Variants in RPTOR observed in about 807,000 individuals in gnomAD.
RPTOR encodes the protein regulatory associated protein of MTOR complex 1, also known as regulatory-associated protein of mTOR.
A neutral mutation model predicts 169.9 loss-of-function variants in RPTOR; 21 were observed. The observed-to-expected ratio is 0.12, with a 90% confidence interval of 0.09 to 0.18. RPTOR has a LOEUF of 0.18. RPTOR is among the 10% of genes least tolerant of loss of function. RPTOR has a pLI of 1.00. For synonymous variants in RPTOR, 732 were observed against 753.2 expected, an observed-to-expected ratio of 0.97 and a Z score of 0.46; for missense variants, 1,133 against 1,855.9, an observed-to-expected ratio of 0.61 and a Z score of 7.16.
At chr17:80,841,926 ACAC>A in intron 10 of RPTOR, among the ~76,000 whole-genome samples, 1 of 131,384 alleles carries the variant, frequency 7.6e-6, no homozygotes, top group Non-Finnish European at 1.6e-5. Context: ...ACGGCAGCTC[ACAC>A]TCACCGCACG....
intron 7 of RPTOR, 30 bp downstream of exon 7, chr17:80,791,539 C>T (rs368035674): frequency 1.1e-4 from 183 of 1,596,272 alleles, no homozygotes; most frequent in Non-Finnish European, 1.5e-4. Flanking sequence ...TCTTGTGGCT[C>T]TCTGGATCTG....
chr17:80,634,606 TGTGTGTACTGTGTGC>T, intron 2 of RPTOR, among the ~76,000 whole-genome samples: 1 of 34,388 alleles, frequency 2.9e-5, no homozygotes, highest in African/African-American at 2.0e-4. Context: ...GTGCGTACTG[TGTGTGTACTGTGTGC>T]GTGTGCGTAC....
chr17:80,863,986 T>A (rs184919147), intron 13 of RPTOR, among the ~76,000 whole-genome samples: 13 of 151,236 alleles, frequency 8.6e-5, no homozygotes, highest in Non-Finnish European at 1.9e-4. Context: ...GAAAAAAAAA[T>A]TTAATTAAAA....
chr17:80,943,345 C>T (rs1046390938), intron 25 of RPTOR, among the ~76,000 whole-genome samples: 7 of 151,958 alleles, frequency 4.6e-5, no homozygotes, highest in Non-Finnish European at 8.8e-5. Flanking sequence ...CAGCTAAAAA[C>T]AGGGTCTTTG....
At chr17:80,821,615 C>T (rs981504924) in intron 7 of RPTOR, among the ~76,000 whole-genome samples, 2 of 152,176 alleles carry the variant, frequency 1.3e-5, no homozygotes, top group Admixed American at 6.5e-5. Context: ...GCGTCATCTG[C>T]CGTCACTTGC....
At chr17:80,608,922 T>G (rs1368896412) in intron 1 of RPTOR, among the ~76,000 whole-genome samples, 3 of 152,198 alleles carry the variant, frequency 2.0e-5, no homozygotes, top group African/African-American at 7.2e-5. Flanking sequence ...CGCCTATTAG[T>G]CGCAAAATTT....
At position 80,609,473 on chromosome 17, in the gene RPTOR, G is replaced by A. The variant is rs893227818; in HGVS notation, c.163-16218G>A. 2.0e-5 allele frequency among the ~76,000 whole-genome samples: 3 copies of A among 152,142 alleles called. No homozygotes were observed. The highest frequency in any genetic ancestry group is 4.4e-5 in the Non-Finnish European group (3 of 68,020). On this transcript the variant is annotated intron_variant, in intron 1 of 33. Transcript: ENST00000306801. This position sits in a 1 kb window ranked among gnomAD's most constrained non-coding sequence, Gnocchi z 4.8. ...ATAAATCATTTGATTTGGCTGGGCA[G>A]GGTGGCTCACACCTGTAATCCCAGC...
chr17:80,757,665 C>T (rs2143352105), intron 6 of RPTOR, among the ~76,000 whole-genome samples: 1 of 152,250 alleles, frequency 6.6e-6, no homozygotes, highest in Middle Eastern at 3.4e-3. Context: ...GTATACGATG[C>T]ATTAATGATC....
chr17:80,774,154 G>C, intron 6 of RPTOR: 1 of 985,400 alleles, frequency 1.0e-6, no homozygotes, highest in Non-Finnish European at 1.2e-6. Flanking sequence ...GTGACATCCT[G>C]AGAAAGCGGG....
chr17:80,547,253 T>C (rs1568297220), intron 1 of RPTOR, among the ~76,000 whole-genome samples: 1 of 152,196 alleles, frequency 6.6e-6, no homozygotes, highest in Non-Finnish European at 1.5e-5. Context: ...TGGACATCTT[T>C]AGTAGTAACT....
chr17:80,668,934 A>G (rs2065801300), intron 3 of RPTOR, among the ~76,000 whole-genome samples: 5 of 152,374 alleles, frequency 3.3e-5, no homozygotes, highest in African/African-American at 4.8e-5. Context: ...TTGAATATCA[A>G]TGAAAGAAAG....
rs953755894 is a variant in RPTOR at position 80,883,273 on chromosome 17, G to C, written c.1585-146G>C. ...AGCTGTTCTTTTTTGTAGAGTCCACGTAAAATCCAGGAGTAAAGCTGGCTC... is the reference window on the plus strand; with the variant it reads ...AGCTGTTCTTTTTTGTAGAGTCCACCTAAAATCCAGGAGTAAAGCTGGCTC... On this transcript the variant is annotated intron_variant, in intron 14 of 33. Transcript: ENST00000306801. 14 of 724,326 alleles carry C rather than the reference G, an allele frequency of 1.9e-5. No individual in the cohort carries two copies. The African/African-American group carries it at 2.3e-4, about 12-fold the overall frequency. The allele number at this position is 724,326 out of a possible 1,614,324, so 44.9% of individuals were successfully genotyped here. A position where few individuals can be genotyped will look rare whatever the true frequency, so the allele number is the denominator to read the frequency against.
intron 9 of RPTOR, among the ~76,000 whole-genome samples, chr17:80,824,222 C>T (rs1382792480): frequency 6.6e-6 from 1 of 152,208 alleles, no homozygotes; most frequent in African/African-American, 2.4e-5. Context: ...AGCACTTGGA[C>T]TTTAAACAGC....
At chr17:80,653,822 G>T (rs941948708) in intron 3 of RPTOR, among the ~76,000 whole-genome samples, 9 of 152,190 alleles carry the variant, frequency 5.9e-5, no homozygotes, top group South Asian at 4.1e-4. Context: ...GGGCCCAGGG[G>T]TCCCCACAGG....
intron 14 of RPTOR, among the ~76,000 whole-genome samples, chr17:80,882,145 C>T (rs1226497637): frequency 1.3e-5 from 2 of 152,072 alleles, no homozygotes; most frequent in Admixed American, 1.3e-4. Context: ...TGAAGCTAAG[C>T]GAGAAGATAT....
intron 7 of RPTOR, among the ~76,000 whole-genome samples, chr17:80,796,621 G>A (rs117209908): frequency 0.047 from 7,134 of 152,302 alleles, 204 homozygotes; most frequent in Middle Eastern, 0.071. Context: ...AGTTCAAGAT[G>A]AGATTTGGGT....
chr17:80,857,921 C>G (rs1257334631), intron 13 of RPTOR, 21 bp downstream of exon 13: 19 of 1,581,554 alleles, frequency 1.2e-5, no homozygotes, highest in Non-Finnish European at 1.5e-5. Context: ...CCGCCCTCCT[C>G]CCCAGAGTGA....
At position 80,560,924 on chromosome 17, in the gene RPTOR, G is replaced by A. The variant is rs2084478229; in HGVS notation, c.162+15133G>A. Reference sequence around the variant, plus strand: ...TCAAGGAAGGGAGCAGAGACCCTGAGAAGAGAAGAACTGAGAGATCTGTGA... The same window carrying A: ...TCAAGGAAGGGAGCAGAGACCCTGAAAAGAGAAGAACTGAGAGATCTGTGA... On this transcript the variant is annotated intron_variant, in intron 1 of 33. Coordinates refer to ENST00000306801, the MANE Select transcript of RPTOR (RefSeq NM_020761.3). 1.1e-4 allele frequency among the ~76,000 whole-genome samples: 10 copies of A among 90,326 alleles called. No individual in the cohort carries two copies. The South Asian group carries it at 2.5e-3, about 23-fold the overall frequency. The allele number at this position is 90,326 out of a possible 152,430, so 59.3% of individuals were successfully genotyped here. A position where few individuals can be genotyped will look rare whatever the true frequency, so the allele number is the denominator to read the frequency against.
At chr17:80,949,306 C>A in intron 27 of RPTOR, 137 bp from the exon 28 acceptor site, 1 of 748,468 alleles carries the variant, frequency 1.3e-6, no homozygotes, top group Non-Finnish European at 2.4e-6. Context: ...AGATCTGGAA[C>A]CACGGGTAGT....
Sources: allele counts gnomAD v4.1 joint callset (sites outside exome capture counted in the v4.1 genomes callset), GRCh38; gene constraint gnomAD v4.1.1; non-coding constraint Gnocchi (gnomAD v3.1); transcripts MANE v1.5; gene names NCBI Gene and HGNC (gene_info 2026-07-23, HGNC 2026-07-21).